The following ERBB4 variants were observed in gnomAD, a reference collection of about 807,000 sequenced individuals.
ERBB4 encodes the protein receptor tyrosine-protein kinase erbB-4.
In ERBB4, 42 loss-of-function variants were observed where a neutral mutation model predicts 158.0. The ratio of observed to expected loss-of-function variants is 0.27; its 90% CI spans 0.21 to 0.34. The LOEUF (loss-of-function observed/expected upper bound fraction) is 0.34, where lower values mean the gene tolerates loss of function less well. ERBB4 is among the 10% of genes least tolerant of loss of function. ERBB4 has a pLI of 1.00. For synonymous variants in ERBB4, 583 were observed against 558.7 expected, an observed-to-expected ratio of 1.04 and a Z score of -0.61; for missense variants, 1,333 against 1,624.1, an observed-to-expected ratio of 0.82 and a Z score of 3.08.
At chr2:212,187,775 A>G (rs576202322) in intron 1 of ERBB4, among the ~76,000 whole-genome samples, 17 of 152,282 alleles carry the variant, frequency 1.1e-4, no homozygotes, top group Admixed American at 2.6e-4. Context: ...GGTAGGAAAT[A>G]ATGATGCAAA....
intron 1 of ERBB4, among the ~76,000 whole-genome samples, chr2:212,297,997 G>A (rs546312991): frequency 6.6e-6 from 1 of 151,838 alleles, no homozygotes; most frequent in South Asian, 2.1e-4. Flanking sequence ...GAAGATGGAA[G>A]ACAGTGCTGA....
chr2:211,839,004 A>C (rs2077403571), intron 3 of ERBB4, among the ~76,000 whole-genome samples: 1 of 152,156 alleles, frequency 6.6e-6, no homozygotes, highest in African/African-American at 2.4e-5. Flanking sequence ...ATTTTACTGT[A>C]TGTGCATTCT....
At chr2:211,734,305 G>A (rs1192234107) in intron 5 of ERBB4, among the ~76,000 whole-genome samples, 1 of 152,090 alleles carries the variant, frequency 6.6e-6, no homozygotes, top group Non-Finnish European at 1.5e-5. Flanking sequence ...CTTCTTCAGA[G>A]CATTCCAGGA....
chr2:211,688,763 T>C (rs1375220793), intron 12 of ERBB4, among the ~76,000 whole-genome samples: 1 of 152,200 alleles, frequency 6.6e-6, no homozygotes, highest in Admixed American at 6.5e-5. Flanking sequence ...TAAAACTATA[T>C]ATTCTTCTAT....
chr2:212,488,071 C>T (rs1690071998), intron 1 of ERBB4, among the ~76,000 whole-genome samples: 1 of 152,146 alleles, frequency 6.6e-6, no homozygotes, highest in Non-Finnish European at 1.5e-5. Context: ...GCTTCTAACC[C>T]TACCATTTCA....
At chr2:211,396,874 T>G (rs1264667858) in intron 25 of ERBB4, among the ~76,000 whole-genome samples, 1 of 152,182 alleles carries the variant, frequency 6.6e-6, no homozygotes, top group Non-Finnish European at 1.5e-5. Flanking sequence ...CTACTGCTCT[T>G]TAAGCTACCA....
intron 19 of ERBB4, among the ~76,000 whole-genome samples, chr2:211,573,325 A>AACTGTGAT (rs2067789682): frequency 6.6e-6 from 1 of 152,136 alleles, no homozygotes; most frequent in Admixed American, 6.5e-5. Context: ...TAGCCCCCAG[A>AACTGTGAT]ACTGTGATAT....
intron 1 of ERBB4, among the ~76,000 whole-genome samples, chr2:212,533,825 G>T (rs1692886063): frequency 2.0e-5 from 3 of 152,142 alleles, no homozygotes; most frequent in African/African-American, 7.2e-5. Context: ...ATTCTACCCT[G>T]CACAGGATAC....
intron 2 of ERBB4, among the ~76,000 whole-genome samples, chr2:212,114,958 A>G (rs555061067): frequency 6.6e-6 from 1 of 152,334 alleles, no homozygotes; most frequent in South Asian, 2.1e-4. Context: ...AGGGGCTACA[A>G]GGTGCTGGGC....
intron 3 of ERBB4, among the ~76,000 whole-genome samples, chr2:211,922,391 T>A (rs2079879148): frequency 6.6e-6 from 1 of 152,130 alleles, no homozygotes; most frequent in South Asian, 2.1e-4. Flanking sequence ...TCTCTCTGAA[T>A]ATGTAGGAAA....
intron 21 of ERBB4, among the ~76,000 whole-genome samples, chr2:211,429,659 G>C (rs904287607): frequency 2.6e-5 from 4 of 152,166 alleles, no homozygotes; most frequent in East Asian, 1.9e-4. Flanking sequence ...GAAATCATGA[G>C]GTTGGCTGCT....
At chr2:212,240,345 C>A (rs1221983355) in intron 1 of ERBB4, among the ~76,000 whole-genome samples, 1 of 151,926 alleles carries the variant, frequency 6.6e-6, no homozygotes, top group African/African-American at 2.4e-5. Flanking sequence ...AAAGAATATC[C>A]TTATCTCTAA....
chr2:212,384,291 A>G (rs542215904), intron 1 of ERBB4, among the ~76,000 whole-genome samples: 107 of 151,818 alleles, frequency 7.0e-4, no homozygotes, highest in Non-Finnish European at 1.3e-3. Context: ...GATTTTTAGC[A>G]GTGACTTAAG....
intron 1 of ERBB4, among the ~76,000 whole-genome samples, chr2:212,176,615 G>A (rs535988902): frequency 6.6e-6 from 1 of 152,026 alleles, no homozygotes; most frequent in African/African-American, 2.4e-5. Context: ...AAAATATTAT[G>A]TCTCCCTTTT....
intron 20 of ERBB4, among the ~76,000 whole-genome samples, chr2:211,523,560 G>T (rs1292026184): frequency 6.6e-6 from 1 of 151,690 alleles, no homozygotes; most frequent in Non-Finnish European, 1.5e-5. Flanking sequence ...GGTCTCCTAG[G>T]CTCAGGAGTT....
chr2:211,548,839 G>A (rs186598777), intron 20 of ERBB4, among the ~76,000 whole-genome samples: 4 of 151,946 alleles, frequency 2.6e-5, no homozygotes, highest in African/African-American at 9.7e-5. Context: ...TATTTGTTTC[G>A]ATTTTAAACT....
chr2:212,478,365 A>G (rs1689512013), intron 1 of ERBB4, among the ~76,000 whole-genome samples: 1 of 152,068 alleles, frequency 6.6e-6, no homozygotes, highest in African/African-American at 2.4e-5. Context: ...GAATTAGTAC[A>G]ACTAGATTCT....
chr2:211,897,575 CA>C (rs1011226142), intron 3 of ERBB4, among the ~76,000 whole-genome samples: 17 of 152,182 alleles, frequency 1.1e-4, no homozygotes, highest in African/African-American at 3.6e-4. Context: ...GAATTAGACC[CA>C]GCAGGCCTTC....
chr2:211,972,694 C>T (rs1398501484), intron 2 of ERBB4, among the ~76,000 whole-genome samples: 1 of 152,156 alleles, frequency 6.6e-6, no homozygotes, highest in Non-Finnish European at 1.5e-5. Flanking sequence ...GGATAACTGG[C>T]CAGCCATATG....
Sources: allele counts gnomAD v4.1 joint callset (sites outside exome capture counted in the v4.1 genomes callset), GRCh38; gene constraint gnomAD v4.1.1; transcripts MANE v1.5; gene names NCBI Gene and HGNC (gene_info 2026-07-23, HGNC 2026-07-21).